Variants in VPS41 observed in about 807,000 individuals in gnomAD.
The protein encoded by VPS41 is vacuolar protein sorting-associated protein 41 homolog.
A neutral mutation model predicts 130.9 loss-of-function variants in VPS41; 85 were observed. The observed-to-expected ratio is 0.65, with a 90% CI of 0.55 to 0.78. The LOEUF (loss-of-function observed/expected upper bound fraction) is 0.78. VPS41 is among the 30% of genes least tolerant of loss of function. VPS41 has a pLI of 0.00. For missense variants in VPS41, 874 were observed against 1,018.7 expected (o/e 0.86, Z 1.93); for synonymous variants, 335 against 332.9 (o/e 1.01, Z -0.07).
chr7:38,820,841 T>A (rs1785154824), intron 6 of VPS41, among the ~76,000 whole-genome samples: 1 of 152,198 alleles, frequency 6.6e-6, no homozygotes, highest in South Asian at 2.1e-4. Context: ...AATGAAGCCA[T>A]CACTGACAAG....
intron 7 of VPS41, among the ~76,000 whole-genome samples, chr7:38,808,433 G>A (rs1562593955): frequency 1.3e-5 from 2 of 151,996 alleles, no homozygotes; most frequent in Non-Finnish European, 2.9e-5. Flanking sequence ...ATCAATTTTG[G>A]TACATTGATG....
intron 14 of VPS41, among the ~76,000 whole-genome samples, chr7:38,769,506 T>C (rs768845668): frequency 6.6e-6 from 1 of 152,186 alleles, no homozygotes; most frequent in Non-Finnish European, 1.5e-5. Flanking sequence ...CACTACGATG[T>C]CCCACAGATT....
chr7:38,793,554 T>C (rs1784571629), intron 9 of VPS41, among the ~76,000 whole-genome samples: 1 of 152,188 alleles, frequency 6.6e-6, no homozygotes. Context: ...AGAAAGGGTA[T>C]ATGTTTCCCA....
chr7:38,757,628 C>T (rs1288257121), intron 18 of VPS41, among the ~76,000 whole-genome samples: 2 of 152,116 alleles, frequency 1.3e-5, no homozygotes, highest in Non-Finnish European at 2.9e-5. Flanking sequence ...AAATCCAACA[C>T]GTCCAGAGTT....
intron 1 of VPS41, among the ~76,000 whole-genome samples, chr7:38,901,052 C>G (rs574739163): frequency 3.9e-5 from 6 of 152,254 alleles, no homozygotes; most frequent in South Asian, 2.1e-4. Context: ...GCTTCACACT[C>G]TCATTTAAAG....
intron 4 of VPS41, among the ~76,000 whole-genome samples, chr7:38,844,896 C>G (rs1354125693): frequency 1.3e-5 from 2 of 152,174 alleles, no homozygotes; most frequent in African/African-American, 4.8e-5. Context: ...GCATGGCTGA[C>G]AGGTAAAAGG....
At chr7:38,852,119 A>T (rs1272169602) in intron 4 of VPS41, among the ~76,000 whole-genome samples, 1 of 152,204 alleles carries the variant, frequency 6.6e-6, no homozygotes, top group African/African-American at 2.4e-5. Flanking sequence ...CCCTCAGCTC[A>T]TGTAACCTGA....
At chr7:38,846,836 A>G in intron 4 of VPS41, among the ~76,000 whole-genome samples, 1 of 152,200 alleles carries the variant, frequency 6.6e-6, no homozygotes, top group East Asian at 1.9e-4. Context: ...TACGGGGAAT[A>G]ATGGAGGCAG....
intron 2 of VPS41, among the ~76,000 whole-genome samples, chr7:38,878,883 G>T (rs889996745): frequency 2.0e-5 from 3 of 152,190 alleles, no homozygotes; most frequent in Admixed American, 1.3e-4. Context: ...AGGAAACAAC[G>T]CACAGGTGCC....
At position 38,841,753 on chromosome 7, in the gene VPS41, G is replaced by A. The variant is rs1021973628; in HGVS notation, c.247-11425C>T. On this transcript the variant is annotated intron_variant, in intron 4 of 28. Transcript: ENST00000310301. ...CAAGTAGCTGGGATTAGAGGCATGC[G>A]CCACCACACCCAGCTAATTGTTGTA... Among the ~76,000 whole-genome samples the A allele has an allele frequency of 2.6e-5, 4 of 152,270 alleles. No homozygotes were observed. The South Asian group carries it at 6.2e-4, about 24-fold the overall frequency.
chr7:38,779,143 T>C (rs1478225025), intron 10 of VPS41, among the ~76,000 whole-genome samples: 1 of 152,206 alleles, frequency 6.6e-6, no homozygotes, highest in East Asian at 1.9e-4. Flanking sequence ...TACTAAACCT[T>C]GCCAAATTTT....
chr7:38,897,775 A>G (rs994869158), intron 2 of VPS41, among the ~76,000 whole-genome samples: 1 of 152,248 alleles, frequency 6.6e-6, no homozygotes, highest in East Asian at 1.9e-4. Flanking sequence ...TATTTTTAAA[A>G]AGCAGGTGAG....
chr7:38,869,267 A>G lies in VPS41; in HGVS notation c.61-14T>C, dbSNP rs1309699710. 1.1e-5 allele frequency: 18 copies of G among 1,586,576 alleles called. No homozygotes were observed. The highest frequency in any genetic ancestry group is 1.4e-5 in the Non-Finnish European group (16 of 1,162,120). On this transcript the variant is annotated splice_polypyrimidine_tract_variant and intron_variant, in intron 2 of 28. Transcript: ENST00000310301. ...GCTCTCTTCTTCCTGCACAAACGGC[A>G]AAGAAAAATGACACCCGTCAGAGAT... is the stretch of plus-strand genomic sequence containing the variant.
At chr7:38,771,642 A>G (rs541772334) in intron 13 of VPS41, among the ~76,000 whole-genome samples, 1 of 152,346 alleles carries the variant, frequency 6.6e-6, no homozygotes, top group South Asian at 2.1e-4. Flanking sequence ...TGACATATTG[A>G]TAAAGGAGCA....
chr7:38,853,419 A>G, intron 4 of VPS41, among the ~76,000 whole-genome samples: 1 of 6,178 alleles, frequency 1.6e-4, no homozygotes, highest in Admixed American at 2.3e-3. Flanking sequence ...ACTCCTTCTC[A>G]AAAAAAAAAA....
chr7:38,805,830 G>C (rs1018667443), intron 7 of VPS41, among the ~76,000 whole-genome samples: 3 of 152,128 alleles, frequency 2.0e-5, no homozygotes, highest in Non-Finnish European at 4.4e-5. Flanking sequence ...CCTATATAAT[G>C]CCTCCCTGGG....
chr7:38,900,815 C>T (rs1410603062), intron 1 of VPS41, among the ~76,000 whole-genome samples: 1 of 152,188 alleles, frequency 6.6e-6, no homozygotes, highest in African/African-American at 2.4e-5. Flanking sequence ...TCAAAAAAAA[C>T]TTGTTTCCAC....
chr7:38,817,710 T>C, intron 7 of VPS41, 107 bp downstream of exon 7: 1 of 952,828 alleles, frequency 1.0e-6, no homozygotes, highest in South Asian at 1.3e-5. Context: ...CTTTCTCGAA[T>C]TTCTCCTAAT....
intron 11 of VPS41, among the ~76,000 whole-genome samples, chr7:38,776,462 C>CT (rs951726550): frequency 2.0e-5 from 3 of 152,052 alleles, no homozygotes; most frequent in Non-Finnish European, 4.4e-5. Flanking sequence ...AAAAAAGACT[C>CT]TTTTTTGGCT....
Sources: allele counts gnomAD v4.1 joint callset (sites outside exome capture counted in the v4.1 genomes callset), GRCh38; gene constraint gnomAD v4.1.1; transcripts MANE v1.5; gene names NCBI Gene and HGNC (gene_info 2026-07-23, HGNC 2026-07-21).